The following SOX6 variants were observed in gnomAD, a reference collection of about 807,000 sequenced individuals.
SOX6 encodes SRY-box transcription factor 6, also known as transcription factor SOX-6.
In SOX6, 11 loss-of-function variants were observed where a neutral mutation model predicts 97.8. The ratio of observed to expected loss-of-function variants is 0.11; its 90% CI spans 0.07 to 0.19. The LOEUF (loss-of-function observed/expected upper bound fraction) is 0.19, where lower values mean the gene tolerates loss of function less well. Ranked by LOEUF, SOX6 falls within the 10% of genes least tolerant of loss-of-function variation. SOX6 has a pLI of 1.00. For missense variants in SOX6, 810 were observed against 1,039.5 expected, an observed-to-expected ratio of 0.78 and a Z score of 3.04; for synonymous variants, 360 against 371.4, an observed-to-expected ratio of 0.97 and a Z score of 0.35.
chr11:16,032,300 G>A (rs1373036110), intron 12 of SOX6, among the ~76,000 whole-genome samples: 1 of 152,060 alleles, frequency 6.6e-6, no homozygotes, highest in East Asian at 1.9e-4. Context: ...TCAGGGTTTT[G>A]TTCGATTTGT....
chr11:16,648,651 T>G (rs1381728787), intron 3 of SOX6, among the ~76,000 whole-genome samples: 2 of 152,030 alleles, frequency 1.3e-5, no homozygotes, highest in East Asian at 3.9e-4. Context: ...GCCTATAACA[T>G]CCTGAAATAG....
At chr11:16,183,085 TCAC>T (rs1851385818) in intron 6 of SOX6, among the ~76,000 whole-genome samples, 1 of 152,002 alleles carries the variant, frequency 6.6e-6, no homozygotes, top group South Asian at 2.1e-4. Flanking sequence ...TAAGGATTAG[TCAC>T]TAGACAGCCA....
chr11:16,402,550 A>G, intron 1 of SOX6: 2 of 1,155,976 alleles, frequency 1.7e-6, no homozygotes, highest in Non-Finnish European at 2.6e-6. Flanking sequence ...CAAACCACCC[A>G]AAGCACACTG....
At chr11:16,362,905 A>G (rs1857245986) in intron 1 of SOX6, among the ~76,000 whole-genome samples, 1 of 152,190 alleles carries the variant, frequency 6.6e-6, no homozygotes, top group Non-Finnish European at 1.5e-5. Context: ...CACAGGATAT[A>G]CCTGTGATAC....
At chr11:16,124,419 G>A (rs182603114) in intron 6 of SOX6, among the ~76,000 whole-genome samples, 2 of 152,110 alleles carry the variant, frequency 1.3e-5, no homozygotes, top group East Asian at 1.9e-4. Context: ...GAGTTTTAAA[G>A]GAAACTAGAT....
chr11:16,671,904 G>A (rs1323942488), intron 3 of SOX6, among the ~76,000 whole-genome samples: 1 of 152,098 alleles, frequency 6.6e-6, no homozygotes, highest in Non-Finnish European at 1.5e-5. Flanking sequence ...AAAGAGAAAG[G>A]GCAGGTCACC....
chr11:16,170,238 A>G (rs2134082577), intron 6 of SOX6, among the ~76,000 whole-genome samples: 1 of 152,192 alleles, frequency 6.6e-6, no homozygotes, highest in Non-Finnish European at 1.5e-5. Flanking sequence ...CAATGTGTAT[A>G]AAACCTTTAC....
chr11:16,721,557 C>CCCT (rs1848264678), intron 2 of SOX6, among the ~76,000 whole-genome samples: 7 of 8,908 alleles, frequency 7.9e-4, no homozygotes, highest in African/African-American at 2.4e-3. Context: ...TCTCTTCCCC[C>CCCT]CCCTCCCTCC....
At chr11:16,099,723 T>C (rs2133978555) in intron 7 of SOX6, among the ~76,000 whole-genome samples, 1 of 151,438 alleles carries the variant, frequency 6.6e-6, no homozygotes, top group South Asian at 2.1e-4. Context: ...TTTTTTTTTT[T>C]ACAGCTTTTG....
intron 3 of SOX6, among the ~76,000 whole-genome samples, chr11:16,649,472 T>A (rs1849061593): frequency 1.3e-5 from 2 of 152,180 alleles, no homozygotes; most frequent in African/African-American, 4.8e-5. Flanking sequence ...ACATTTAGCC[T>A]CCTGAGACAA....
chr11:16,504,412 T>C (rs1056347819), intron 4 of SOX6, among the ~76,000 whole-genome samples: 9 of 151,912 alleles, frequency 5.9e-5, no homozygotes, highest in African/African-American at 1.9e-4. Context: ...ACAAAATACA[T>C]ATAAAAATCT....
chr11:16,710,185 T>A (rs1156482467), intron 3 of SOX6, among the ~76,000 whole-genome samples: 1 of 152,188 alleles, frequency 6.6e-6, no homozygotes, highest in Non-Finnish European at 1.5e-5. Context: ...AAAATTAACA[T>A]CTTGAAGGGA....
intron 6 of SOX6, among the ~76,000 whole-genome samples, chr11:16,176,483 G>C (rs1010109471): frequency 1.3e-5 from 2 of 151,788 alleles, no homozygotes; most frequent in African/African-American, 4.8e-5. Flanking sequence ...GACACATCAC[G>C]TTAAAGCCCT....
intron 9 of SOX6, among the ~76,000 whole-genome samples, chr11:16,062,374 A>T (rs1173077413): frequency 6.6e-6 from 1 of 151,718 alleles, no homozygotes; most frequent in Non-Finnish European, 1.5e-5. Flanking sequence ...ATTAACTATT[A>T]CATAAGGGTC....
At chr11:16,282,683 A>T (rs1854601873) in intron 3 of SOX6, among the ~76,000 whole-genome samples, 2 of 151,570 alleles carry the variant, frequency 1.3e-5, no homozygotes, top group African/African-American at 4.8e-5. Flanking sequence ...TTATTGAATT[A>T]TATTTATTAT....
chr11:16,211,079 G>T (rs986708594), intron 4 of SOX6, among the ~76,000 whole-genome samples: 13 of 152,074 alleles, frequency 8.5e-5, no homozygotes, highest in African/African-American at 3.1e-4. Flanking sequence ...TCTTTGGGAA[G>T]AATCAGTAGG....
chr11:16,575,513 TAA>T (rs1237682749), intron 4 of SOX6, among the ~76,000 whole-genome samples: 2 of 151,974 alleles, frequency 1.3e-5, no homozygotes, highest in African/African-American at 4.8e-5. Context: ...CCAGTAAAAA[TAA>T]AGAGGATAAA....
At chr11:16,367,591 T>C (rs1363629426) in intron 1 of SOX6, among the ~76,000 whole-genome samples, 4 of 152,282 alleles carry the variant, frequency 2.6e-5, no homozygotes, top group African/African-American at 7.2e-5. Flanking sequence ...AAGTGCAAGA[T>C]TTATCTCAGA....
chr11:16,311,095 A>G (rs978058647), intron 3 of SOX6: 1 of 152,132 alleles, frequency 6.6e-6, no homozygotes, highest in African/African-American at 2.4e-5. Context: ...CTTTAGTATC[A>G]GCTTTTCCAA....
Sources: gnomAD v4.1 joint callset for allele counts (sites outside exome capture counted in the v4.1 genomes callset) on GRCh38, gnomAD v4.1.1 for gene constraint, MANE v1.5 for transcripts, NCBI Gene and HGNC (gene_info 2026-07-23, HGNC 2026-07-21) for gene names.